Variants in DIXDC1 observed in about 807,000 individuals in gnomAD.
The protein encoded by DIXDC1 is dixin.
In DIXDC1, 64 loss-of-function variants were observed where a neutral mutation model predicts 103.1. The ratio of observed to expected loss-of-function variants is 0.62; its 90% CI spans 0.51 to 0.76. The LOEUF (loss-of-function observed/expected upper bound fraction) is 0.76. Ranked by LOEUF, DIXDC1 falls within the 30% of genes least tolerant of loss-of-function variation. The probability of loss-of-function intolerance (pLI) is 0.00; values close to 1 mark genes in which losing one functional copy is unlikely to be tolerated. For synonymous variants in DIXDC1, 266 were observed against 298.5 expected, an observed-to-expected ratio of 0.89 and a Z score of 1.12; for missense variants, 759 against 834.2, an observed-to-expected ratio of 0.91 and a Z score of 1.11.
intron 17 of DIXDC1, among the ~76,000 whole-genome samples, chr11:112,003,713 G>A (rs934865128): frequency 3.3e-5 from 5 of 151,640 alleles, no homozygotes; most frequent in Admixed American, 1.3e-4. Flanking sequence ...CAGGAGAATC[G>A]CTTGAACCCG....
At chr11:111,946,848 T>A in intron 1 of DIXDC1, 1 of 398,452 alleles carries the variant, frequency 2.5e-6, no homozygotes, top group Non-Finnish European at 5.2e-6. Flanking sequence ...TGTTAGAGGC[T>A]GTATTGCAGA....
At chr11:111,932,027 C>CTTTTTT (rs59805759) in intron 2 of DIXDC1, among the ~76,000 whole-genome samples, 5 of 99,136 alleles carry the variant, frequency 5.0e-5, no homozygotes, top group African/African-American at 8.9e-5. Flanking sequence ...GGCAGATAAC[C>CTTTTTT]TTTTTTTTTT....
chr11:112,002,280 T>G (rs1425024148), intron 17 of DIXDC1, among the ~76,000 whole-genome samples: 1 of 149,326 alleles, frequency 6.7e-6, no homozygotes, highest in Non-Finnish European at 1.5e-5. Context: ...AAAAGGATGC[T>G]AGCAAGGATG....
Position 111,998,864 on chromosome 11 carries a change from ATC to A in DIXDC1, c.1756+2726_1756+2727del, listed in dbSNP as rs1336130267. Among the ~76,000 whole-genome samples the A allele has an allele frequency of 6.6e-6, 1 of 152,152 alleles. No homozygotes were observed. The highest frequency in any genetic ancestry group is 1.5e-5 in the Non-Finnish European group (1 of 68,018). ...CTATATTTTTAAATGTAAACTAGATATCTCTCTCTGTAGGTCCCAAGGCACTG... is the reference window on the plus strand; with the variant it reads ...CTATATTTTTAAATGTAAACTAGATATCTCTCTGTAGGTCCCAAGGCACTG... On this transcript the variant is annotated intron_variant, in intron 17 of 19. Coordinates refer to ENST00000440460, the MANE Select transcript of DIXDC1 (RefSeq NM_001037954.4). This position sits in a 1 kb window ranked among gnomAD's most constrained non-coding sequence, Gnocchi z 4.1.
chr11:112,018,399 G>A (rs1258332064), intron 19 of DIXDC1, among the ~76,000 whole-genome samples: 1 of 152,102 alleles, frequency 6.6e-6, no homozygotes, highest in African/African-American at 2.4e-5. Flanking sequence ...TACAGTTCTG[G>A]GTTATATAGT....
At chr11:111,938,880 C>T (rs1162598848) in intron 1 of DIXDC1, among the ~76,000 whole-genome samples, 1 of 152,250 alleles carries the variant, frequency 6.6e-6, no homozygotes, top group Non-Finnish European at 1.5e-5. Context: ...CCTGTCTGCA[C>T]TGCAGGGCAC....
chr11:111,948,235 C>T (rs1391687538), intron 1 of DIXDC1, among the ~76,000 whole-genome samples: 2 of 152,224 alleles, frequency 1.3e-5, no homozygotes, highest in Non-Finnish European at 2.9e-5. Context: ...TCCCTGAAAT[C>T]TTGAACTCTG....
At chr11:111,967,253 C>T (rs77905936) in intron 2 of DIXDC1, among the ~76,000 whole-genome samples, 1,789 of 152,306 alleles carry the variant, frequency 0.012, 22 homozygotes, top group African/African-American at 0.04. Context: ...TCAAATTTCA[C>T]ACATCCTAAT....
chr11:112,000,973 G>T (rs1400792072), intron 17 of DIXDC1, among the ~76,000 whole-genome samples: 1 of 152,040 alleles, frequency 6.6e-6, no homozygotes, highest in Non-Finnish European at 1.5e-5. Flanking sequence ...TTGAAAACAG[G>T]AGTTCAAAAA....
chr11:111,975,067 C>T, intron 5 of DIXDC1, 84 bp downstream of exon 5: 1 of 1,542,428 alleles, frequency 6.5e-7, no homozygotes, highest in Non-Finnish European at 8.7e-7. Context: ...CAAAAAGGCA[C>T]CTAAGCCCTT....
intron 2 of DIXDC1, among the ~76,000 whole-genome samples, chr11:111,930,158 A>T (rs1965965612): frequency 6.6e-6 from 1 of 152,216 alleles, no homozygotes. Context: ...ATCAGAATGT[A>T]TGCGTTTTTA....
intron 1 of DIXDC1, among the ~76,000 whole-genome samples, chr11:111,963,533 A>C (rs1859641119): frequency 6.6e-6 from 1 of 152,246 alleles, no homozygotes; most frequent in Non-Finnish European, 1.5e-5. Flanking sequence ...AATCAACTGT[A>C]TTTTAACCAA....
upstream of DIXDC1, chr11:111,937,141 G>GGTT: frequency 1.3e-6 from 1 of 752,002 alleles, no homozygotes; most frequent in Non-Finnish European, 1.6e-6. Context: ...CGGGGGGGGG[G>GGTT]TGTGCGCGTG....
rs1566487134 is a variant in DIXDC1, at chr11:111,958,704, G to T, written c.61-5845G>T. The stretch of plus-strand genomic sequence containing the variant: ...ACCAGGGAGGCCTGAAGCCTGGGGG[G>T]TCAGGCTGCCAGCCCCGCAGACCGG... On this transcript the variant is annotated intron_variant, in intron 1 of 19. Coordinates refer to ENST00000440460, the MANE Select transcript of DIXDC1 (RefSeq NM_001037954.4). The surrounding 1 kb of genome is among the most constrained non-coding windows in gnomAD (Gnocchi z 4.2). 1.3e-5 allele frequency among the ~76,000 whole-genome samples: 2 copies of T among 152,170 alleles called. No homozygotes were observed. The highest frequency in any genetic ancestry group is 1.3e-4 in the Admixed American group (2 of 15,284).
intron 17 of DIXDC1, among the ~76,000 whole-genome samples, chr11:112,011,970 A>G (rs587664966): frequency 2.6e-5 from 4 of 152,360 alleles, no homozygotes; most frequent in South Asian, 4.1e-4. Context: ...GAAAAAGGAA[A>G]AGAAAAACCC....
At chr11:111,991,524 T>G (rs1208780854) in intron 10 of DIXDC1, among the ~76,000 whole-genome samples, 1 of 152,184 alleles carries the variant, frequency 6.6e-6, no homozygotes, top group African/African-American at 2.4e-5. Context: ...TTCTTTGCAG[T>G]CTGTAAAGAG....
At chr11:111,937,948 G>A (rs1966275986) in intron 1 of DIXDC1, among the ~76,000 whole-genome samples, 1 of 152,258 alleles carries the variant, frequency 6.6e-6, no homozygotes, top group African/African-American at 2.4e-5. Flanking sequence ...AACCAGCGGA[G>A]CCAAGGGAGG....
At chr11:112,000,738 A>G (rs2137602271) in intron 17 of DIXDC1, among the ~76,000 whole-genome samples, 1 of 152,212 alleles carries the variant, frequency 6.6e-6, no homozygotes, top group African/African-American at 2.4e-5. Flanking sequence ...AAGATGCCCA[A>G]AATCATTAGT....
intron 1 of DIXDC1, among the ~76,000 whole-genome samples, chr11:111,962,685 G>A (rs1859621226): frequency 6.6e-6 from 1 of 152,190 alleles, no homozygotes; most frequent in Non-Finnish European, 1.5e-5. Flanking sequence ...TTGGAGACAA[G>A]TAACAGATTT....
Sources: allele counts gnomAD v4.1 joint callset (sites outside exome capture counted in the v4.1 genomes callset), GRCh38; gene constraint gnomAD v4.1.1; non-coding constraint Gnocchi (gnomAD v3.1); transcripts MANE v1.5; gene names NCBI Gene and HGNC (gene_info 2026-07-23, HGNC 2026-07-21).